The following EPHB1 variants were observed in gnomAD, a reference collection of about 807,000 sequenced individuals.
EPHB1 encodes the protein ephrin type-B receptor 1.
A neutral mutation model predicts 94.4 loss-of-function variants in EPHB1; 30 were observed. The observed-to-expected ratio is 0.32, with a 90% CI of 0.24 to 0.43. The LOEUF (loss-of-function observed/expected upper bound fraction) is 0.43, where lower values mean the gene tolerates loss of function less well. EPHB1 is among the 20% of genes least tolerant of loss of function. The probability of loss-of-function intolerance (pLI) is 1.00; values close to 1 mark genes in which losing one functional copy is unlikely to be tolerated. For synonymous variants in EPHB1, 522 were observed against 489.1 expected (o/e 1.07, Z -0.89); for missense variants, 1,055 against 1,308.3 (o/e 0.81, Z 2.99).
Position 135,173,388 on chromosome 3 carries a change from A to G in EPHB1, c.1759+6382A>G, listed in dbSNP as rs1308517917. On this transcript the variant is annotated intron_variant, in intron 9 of 15. Transcript: ENST00000398015. Reference sequence around the variant, plus strand: ...ATGGTCTACTTTCCTTCTTTGGGAGACAGATGTTCAGTAATAACTGGTTTT... The same window carrying G: ...ATGGTCTACTTTCCTTCTTTGGGAGGCAGATGTTCAGTAATAACTGGTTTT... Among the ~76,000 whole-genome samples the G allele has an allele frequency of 2.0e-5, 3 of 152,108 alleles. No individual in the cohort carries two copies. In the East Asian group the frequency reaches 5.8e-4, roughly 29 times the overall value.
intron 9 of EPHB1, among the ~76,000 whole-genome samples, chr3:135,169,917 T>C (rs1941756942): frequency 6.6e-6 from 1 of 152,224 alleles, no homozygotes; most frequent in South Asian, 2.1e-4. Context: ...TAATCCCAGC[T>C]GTCTAAGTTG....
At chr3:135,018,037 G>A (rs1427780058) in intron 3 of EPHB1, among the ~76,000 whole-genome samples, 1 of 152,196 alleles carries the variant, frequency 6.6e-6, no homozygotes, top group Non-Finnish European at 1.5e-5. Flanking sequence ...GGAGGGCAGA[G>A]GAGGTAGGAG....
At chr3:135,211,914 C>CA (rs1371714328) in intron 12 of EPHB1, among the ~76,000 whole-genome samples, 1 of 152,104 alleles carries the variant, frequency 6.6e-6, no homozygotes, top group Non-Finnish European at 1.5e-5. Flanking sequence ...CCATATTCTT[C>CA]AAATATCATT....
intron 1 of EPHB1, among the ~76,000 whole-genome samples, chr3:134,924,647 C>T (rs2038754575): frequency 6.6e-6 from 1 of 152,020 alleles, no homozygotes; most frequent in African/African-American, 2.4e-5. Flanking sequence ...AATAATAGCC[C>T]CAAACTGGAA....
intron 4 of EPHB1, among the ~76,000 whole-genome samples, chr3:135,122,670 G>A (rs1193473350): frequency 6.6e-6 from 1 of 152,178 alleles, no homozygotes; most frequent in African/African-American, 2.4e-5. Context: ...CTCAGGCTAG[G>A]TAGAGGGGCT....
At chr3:135,140,008 C>T (rs1418158718) in intron 5 of EPHB1, among the ~76,000 whole-genome samples, 2 of 152,088 alleles carry the variant, frequency 1.3e-5, no homozygotes, top group African/African-American at 4.8e-5. Flanking sequence ...CCAGAGTGCC[C>T]ACAGGACTCA....
chr3:135,045,387 T>C (rs1299363232), intron 3 of EPHB1, among the ~76,000 whole-genome samples: 1 of 152,244 alleles, frequency 6.6e-6, no homozygotes, highest in African/African-American at 2.4e-5. Context: ...TTCTGTGTGA[T>C]AAAATGATAA....
chr3:135,144,593 G>A (rs940037024), intron 5 of EPHB1, among the ~76,000 whole-genome samples: 11 of 152,156 alleles, frequency 7.2e-5, no homozygotes, highest in African/African-American at 2.7e-4. Flanking sequence ...TCAGAAGTGA[G>A]GGCCTGTGCT....
intron 4 of EPHB1, among the ~76,000 whole-genome samples, chr3:135,112,362 G>T (rs997113653): frequency 6.6e-6 from 1 of 152,094 alleles, no homozygotes. Flanking sequence ...TTGCTTGTCT[G>T]CATGTCTACA....
chr3:135,228,545 A>G (rs1478486864), intron 12 of EPHB1, among the ~76,000 whole-genome samples: 2 of 152,224 alleles, frequency 1.3e-5, no homozygotes, highest in Admixed American at 6.5e-5. Context: ...TCTTAGTCCC[A>G]GTGTAAATGT....
chr3:134,956,280 C>T (rs940278372), intron 3 of EPHB1, among the ~76,000 whole-genome samples: 7 of 152,070 alleles, frequency 4.6e-5, no homozygotes, highest in South Asian at 2.1e-4. Context: ...GAGCACTATG[C>T]ATATGTGGAT....
At chr3:134,807,524 T>TGTGTGTGC (rs57008366) in intron 1 of EPHB1, among the ~76,000 whole-genome samples, 18 of 130,398 alleles carry the variant, frequency 1.4e-4, no homozygotes, top group Non-Finnish European at 2.3e-4. Flanking sequence ...TGTGTGTGTG[T>TGTGTGTGC]GCACGTGTGT....
At position 135,021,722 on chromosome 3, in the gene EPHB1, T is replaced by C. The variant is rs139828639; in HGVS notation, c.805+69670T>C. On this transcript the variant is annotated intron_variant, in intron 3 of 15. Transcript: ENST00000398015. ...AAAGCATTAGTGAAGGGGAATAAGATTATTTCTCTCTAATTTTAATGGGAC... is the reference window on the plus strand; with the variant it reads ...AAAGCATTAGTGAAGGGGAATAAGACTATTTCTCTCTAATTTTAATGGGAC... Among the ~76,000 whole-genome samples the C allele has an allele frequency of 1.1e-3, 165 of 152,338 alleles. 2 individuals are homozygous for C. In the East Asian group the frequency reaches 0.029, roughly 27 times the overall value.
At chr3:135,039,182 T>G (rs912593295) in intron 3 of EPHB1, among the ~76,000 whole-genome samples, 2 of 151,960 alleles carry the variant, frequency 1.3e-5, no homozygotes, top group Non-Finnish European at 2.9e-5. Context: ...GTATTTACAA[T>G]CCCTGAGCTA....
At chr3:134,831,280 C>A (rs2036576971) in intron 1 of EPHB1, among the ~76,000 whole-genome samples, 1 of 152,198 alleles carries the variant, frequency 6.6e-6, no homozygotes, top group South Asian at 2.1e-4. Flanking sequence ...AGTGGGCCCA[C>A]AGCATTACAG....
intron 1 of EPHB1, among the ~76,000 whole-genome samples, chr3:134,811,469 C>T (rs1185434589): frequency 2.0e-5 from 3 of 152,074 alleles, no homozygotes; most frequent in Non-Finnish European, 4.4e-5. Flanking sequence ...GAACTCCTGA[C>T]CTCAGGTGAT....
At chr3:135,162,277 C>T in intron 7 of EPHB1, 97 bp downstream of exon 7, 1 of 1,329,580 alleles carries the variant, frequency 7.5e-7, no homozygotes, top group Non-Finnish European at 1.0e-6. Flanking sequence ...ATGCTGATCT[C>T]CAACTGGATT....
In EPHB1 at chr3:134,885,840, G is replaced by A. The variant is rs1307960126; in HGVS notation, c.59-39976G>A. Among the ~76,000 whole-genome samples, 3 of 152,108 alleles carry A rather than the reference G, an allele frequency of 2.0e-5. No homozygotes were observed. The East Asian group carries it at 5.8e-4, about 29-fold the overall frequency. ...TATGCCCTCTCATGACAGACTTTTG[G>A]AGAATGAGTGGCATCTACAGTGTGG... On this transcript the variant is annotated intron_variant, in intron 1 of 15. Transcript: ENST00000398015.
intron 3 of EPHB1, among the ~76,000 whole-genome samples, chr3:135,099,301 A>G (rs1938938760): frequency 8.6e-6 from 1 of 116,134 alleles, no homozygotes; most frequent in African/African-American, 3.1e-5. Context: ...AGTACATTGG[A>G]TGGATGGATG....
Sources: allele counts gnomAD v4.1 joint callset (sites outside exome capture counted in the v4.1 genomes callset), GRCh38; gene constraint gnomAD v4.1.1; transcripts MANE v1.5; gene names NCBI Gene and HGNC (gene_info 2026-07-23, HGNC 2026-07-21).